Variants in PLCE1 observed in about 807,000 individuals in gnomAD.
The protein encoded by PLCE1 is phospholipase C epsilon 1, also known as 1-phosphatidylinositol 4,5-bisphosphate phosphodiesterase epsilon-1.
In PLCE1, 119 loss-of-function variants were observed where a neutral mutation model predicts 242.8. The observed-to-expected ratio is 0.49, with a 90% CI of 0.42 to 0.57. PLCE1 has a LOEUF of 0.57. Among genes scored for constraint, PLCE1 ranks in the 20% least tolerant of loss-of-function variants. The pLI, the probability that PLCE1 is intolerant of heterozygous loss-of-function variation, is 0.00. For synonymous variants in PLCE1, 945 were observed against 1,017.4 expected (o/e 0.93, Z 1.35); for missense variants, 2,441 against 2,788.8 (o/e 0.88, Z 2.81).
chr10:94,115,100 T>A (rs2046081375), intron 2 of PLCE1, among the ~76,000 whole-genome samples: 1 of 152,338 alleles, frequency 6.6e-6, no homozygotes, highest in South Asian at 2.1e-4. Flanking sequence ...CATGAACTCA[T>A]CATTTTTTAT....
intron 22 of PLCE1, among the ~76,000 whole-genome samples, chr10:94,286,603 G>A (rs1014780710): frequency 2.0e-5 from 3 of 152,020 alleles, no homozygotes; most frequent in African/African-American, 7.2e-5. Context: ...CATTTTAATT[G>A]TAAGTTTTCT....
intron 4 of PLCE1, among the ~76,000 whole-genome samples, chr10:94,221,861 A>T (rs186989805): frequency 3.9e-5 from 6 of 152,368 alleles, no homozygotes; most frequent in African/African-American, 1.4e-4. Flanking sequence ...ATTACAAATG[A>T]TCATCTCTTT....
At chr10:94,204,923 A>G (rs1332865912) in intron 4 of PLCE1, among the ~76,000 whole-genome samples, 2 of 152,158 alleles carry the variant, frequency 1.3e-5, no homozygotes, top group Non-Finnish European at 2.9e-5. Flanking sequence ...AAAAAGACAT[A>G]ATTCAAAACA....
chr10:94,056,545 A>G (rs1331221250), intron 2 of PLCE1, among the ~76,000 whole-genome samples: 1 of 152,122 alleles, frequency 6.6e-6, no homozygotes, highest in Non-Finnish European at 1.5e-5. Context: ...TTTTCTTTCA[A>G]TTTTCATTTT....
intron 3 of PLCE1, chr10:94,137,633 TA>T (rs1160946263): frequency 1.9e-5 from 3 of 154,932 alleles, no homozygotes; most frequent in African/African-American, 4.8e-5. Flanking sequence ...GTGTTACATA[TA>T]ACCGAGACAA....
chr10:94,185,668 T>C (rs939941371), intron 4 of PLCE1, among the ~76,000 whole-genome samples: 2 of 152,210 alleles, frequency 1.3e-5, no homozygotes, highest in Non-Finnish European at 2.9e-5. Flanking sequence ...AGATAACATA[T>C]ATAAAATCAA....
intron 4 of PLCE1, among the ~76,000 whole-genome samples, chr10:94,193,950 G>C (rs2048742795): frequency 6.6e-6 from 1 of 152,190 alleles, no homozygotes; most frequent in Non-Finnish European, 1.5e-5. Context: ...GAATGAAATT[G>C]TCTTTTTTTA....
Position 94,132,291 on chromosome 10 carries a change from T to C in PLCE1, c.1324T>C (p.Leu442=), listed in dbSNP as rs1177415216. ...AHGRISVGPC[L]KQCVRDTVCE... is the part of the protein sequence containing the mutation. ...TGGAAGGATAAGCGTTGGTCCATGC[T>C]TAAAGCAATGTGTCCGAGACACTGT... Residue 442 remains leucine, a synonymous_variant, in exon 3 of 33, where the codon TTA becomes CTA. Transcript: ENST00000371380. 1.9e-6 allele frequency: 3 copies of C among 1,613,646 alleles called. No individual in the cohort carries two copies. The African/African-American group carries it at 4.0e-5, about 22-fold the overall frequency.
intron 3 of PLCE1, among the ~76,000 whole-genome samples, chr10:94,156,611 G>A (rs748849659): frequency 3.8e-4 from 58 of 152,108 alleles, no homozygotes; most frequent in Non-Finnish European, 5.0e-4. Context: ...CTCTGTGTAC[G>A]CCATAGTTGA....
Position 94,031,769 on chromosome 10 carries a change from C to CA in PLCE1, c.728dup (p.Asn243LysfsTer3). On this transcript the variant is annotated frameshift_variant, in exon 2 of 33. Coordinates refer to ENST00000371380, the MANE Select transcript of PLCE1 (RefSeq NM_016341.4). LOFTEE classifies it high-confidence loss of function. ...ATACCTGTAAACTGATGGAATTGGCCAAAAATTGTGATAATAAGAATGAGC... is the reference window on the plus strand; with the variant it reads ...ATACCTGTAAACTGATGGAATTGGCCAAAAAATTGTGATAATAAGAATGAGC... The CA allele has an allele frequency of 6.2e-7, 1 of 1,613,582 alleles. No individual in the cohort carries two copies. Among genetic ancestry groups the CA allele is most frequent in the Non-Finnish European group, 8.5e-7 (1 of 1,179,840 alleles).
intron 28 of PLCE1, among the ~76,000 whole-genome samples, chr10:94,314,400 T>C (rs7903902): frequency 0.33 from 50,252 of 151,986 alleles, 8,646 homozygotes; most frequent in Middle Eastern, 0.48. Flanking sequence ...GAGATGGAGA[T>C]AATCCTGGCC....
chr10:94,032,856 A>T (rs2061587521), intron 2 of PLCE1, among the ~76,000 whole-genome samples: 1 of 152,120 alleles, frequency 6.6e-6, no homozygotes, highest in Non-Finnish European at 1.5e-5. Flanking sequence ...TTATTAATAC[A>T]TTTAATAATA....
At chr10:94,128,112 C>T (rs1024127537) in intron 2 of PLCE1, among the ~76,000 whole-genome samples, 4 of 151,882 alleles carry the variant, frequency 2.6e-5, no homozygotes, top group South Asian at 2.1e-4. Context: ...CTCAGCCTCC[C>T]GAGTAGCTGG....
Position 94,246,435 on chromosome 10 carries a change from T to C in PLCE1, c.2910T>C (p.Thr970=). 1.2e-6 allele frequency: 2 copies of C among 1,614,218 alleles called. No individual in the cohort carries two copies. The highest frequency in any genetic ancestry group is 1.7e-6 in the Non-Finnish European group (2 of 1,180,008). The change falls in exon 8 of 33, where the codon ACT becomes ACC. Residue 970 remains threonine (T), a synonymous_variant. Transcript: ENST00000371380. ...NKLGSMFLSE[T]GVTLLYGLQT... ...TGGGTAGCATGTTCCTGTCAGAGAC[T>C]GGTGTGACATTGCTCTATGGGCTTC...
chr10:94,049,786 C>G (rs2043712365), intron 2 of PLCE1, among the ~76,000 whole-genome samples: 1 of 152,070 alleles, frequency 6.6e-6, no homozygotes, highest in Non-Finnish European at 1.5e-5. Flanking sequence ...TGTCTCTCTC[C>G]CTCCCACAAA....
Position 94,234,298 on chromosome 10 carries a change from GA to G in PLCE1, c.2202del (p.Glu735LysfsTer3), listed in dbSNP as rs1254309298. ...MKLCPRYNSQ[E>X]ETLEFVADYS... ...GCTTTGCCCGCGGTACAATTCCCAA[GA>G]AGAAACTTTAGAGGTAAGGCCTTTC... On this transcript the variant is annotated frameshift_variant, in exon 6 of 33. Transcript: ENST00000371380. LOFTEE classifies it high-confidence loss of function. 6.2e-7 allele frequency: 1 copy of G among 1,613,912 alleles called. No individual in the cohort carries two copies. Among genetic ancestry groups the G allele is most frequent in the Non-Finnish European group, 8.5e-7 (1 of 1,179,986 alleles).
intron 13 of PLCE1, among the ~76,000 whole-genome samples, chr10:94,262,047 C>T (rs927678737): frequency 6.8e-6 from 1 of 147,640 alleles, no homozygotes; most frequent in African/African-American, 2.5e-5. Context: ...GTTGCCCAGG[C>T]TAGAGTGCAG....
chr10:94,192,795 C>T (rs1044194335), intron 4 of PLCE1, among the ~76,000 whole-genome samples: 2 of 152,134 alleles, frequency 1.3e-5, no homozygotes, highest in Non-Finnish European at 2.9e-5. Context: ...ACATTCTCAC[C>T]AACAATGCAG....
chr10:94,099,622 C>T (rs1590018085), intron 2 of PLCE1: 1 of 152,182 alleles, frequency 6.6e-6, no homozygotes, highest in South Asian at 2.1e-4. Context: ...AAAACCTACT[C>T]AACAGATAAC....
Sources: gnomAD v4.1 joint callset for allele counts (sites outside exome capture counted in the v4.1 genomes callset) on GRCh38, gnomAD v4.1.1 for gene constraint, MANE v1.5 for transcripts, NCBI Gene and HGNC (gene_info 2026-07-23, HGNC 2026-07-21) for gene names.